The following SPAG16 variants were observed in gnomAD, a reference collection of about 807,000 sequenced individuals.
The protein encoded by SPAG16 is sperm associated antigen 16, also known as sperm-associated antigen 16 protein.
SPAG16 carries 86 observed loss-of-function variants against 80.4 expected under a neutral mutation model. That is an observed-to-expected ratio of 1.07 (90% CI 0.90 to 1.28). The LOEUF (loss-of-function observed/expected upper bound fraction) is 1.28, where lower values mean the gene tolerates loss of function less well. Among genes scored for constraint, SPAG16 ranks in the 50% most tolerant of loss-of-function variants. The probability of loss-of-function intolerance (pLI) is 0.00; values close to 1 mark genes in which losing one functional copy is unlikely to be tolerated. For missense variants in SPAG16, 870 were observed against 765.3 expected, an observed-to-expected ratio of 1.14 and a Z score of -1.61; for synonymous variants, 294 against 265.9, an observed-to-expected ratio of 1.11 and a Z score of -1.03.
At chr2:214,179,643 G>A (rs569867882) in intron 15 of SPAG16, among the ~76,000 whole-genome samples, 25 of 151,404 alleles carry the variant, frequency 1.7e-4, no homozygotes, top group African/African-American at 5.8e-4. Context: ...AAATGAATCC[G>A]ATAGACAGTG....
intron 15 of SPAG16, among the ~76,000 whole-genome samples, chr2:214,170,111 G>C (rs1328770040): frequency 6.6e-6 from 1 of 151,764 alleles, no homozygotes; most frequent in African/African-American, 2.4e-5. Context: ...GGTTCAGTTA[G>C]CAAAAATATC....
chr2:214,073,565 G>A (rs1559760371), intron 13 of SPAG16, among the ~76,000 whole-genome samples: 1 of 152,082 alleles, frequency 6.6e-6, no homozygotes, highest in Non-Finnish European at 1.5e-5. Context: ...ATATATGCAG[G>A]AATATTTCAT....
intron 15 of SPAG16, among the ~76,000 whole-genome samples, chr2:214,310,382 G>A (rs1695209585): frequency 6.6e-6 from 1 of 152,124 alleles, no homozygotes; most frequent in Admixed American, 6.6e-5. Context: ...GGGCATATGA[G>A]CCAATTCACT....
At chr2:213,806,993 G>A (rs1442937251) in intron 10 of SPAG16, among the ~76,000 whole-genome samples, 2 of 151,940 alleles carry the variant, frequency 1.3e-5, no homozygotes. Flanking sequence ...CATTTTTGTT[G>A]TGTTGTTTTG....
chr2:213,939,974 A>G lies in SPAG16; in HGVS notation c.1400+9829A>G, dbSNP rs115608598. ...TTTAATGTTGAAGATGTAGAGTGAC[A>G]TAGTTGTTTTTCATATTTCGTTTCA... On this transcript the variant is annotated intron_variant, in intron 12 of 15. Transcript: ENST00000331683. 4.8e-3 allele frequency among the ~76,000 whole-genome samples: 727 copies of G among 152,292 alleles called. 7 individuals carry two copies. The highest frequency in any genetic ancestry group is 0.017 in the African/African-American group (699 of 41,562).
At chr2:213,596,080 T>C (rs1457803987) in intron 10 of SPAG16, among the ~76,000 whole-genome samples, 1 of 152,076 alleles carries the variant, frequency 6.6e-6, no homozygotes. Context: ...TTGTTTTACT[T>C]CTCATTATGA....
chr2:213,433,265 C>A (rs867141885), intron 9 of SPAG16, among the ~76,000 whole-genome samples: 81 of 151,900 alleles, frequency 5.3e-4, no homozygotes, highest in Middle Eastern at 3.4e-3. Context: ...AACAATCAGA[C>A]GAGAAAGAAT....
chr2:214,150,495 T>C (rs961994341), intron 15 of SPAG16, among the ~76,000 whole-genome samples: 7 of 152,080 alleles, frequency 4.6e-5, no homozygotes, highest in African/African-American at 1.7e-4. Flanking sequence ...AAAAGCCTAT[T>C]AAAGGGTCAA....
chr2:213,805,847 G>A (rs1233017460), intron 10 of SPAG16, among the ~76,000 whole-genome samples: 2 of 152,076 alleles, frequency 1.3e-5, no homozygotes, highest in African/African-American at 2.4e-5. Flanking sequence ...TTTTCATATA[G>A]CAATGGTTGT....
intron 13 of SPAG16, among the ~76,000 whole-genome samples, chr2:214,049,587 A>G (rs559815186): frequency 1.3e-5 from 2 of 152,360 alleles, no homozygotes; most frequent in East Asian, 1.9e-4. Context: ...ATGTTTTTAA[A>G]TAAATGTTTT....
chr2:214,078,424 C>T (rs1006454767), intron 13 of SPAG16, among the ~76,000 whole-genome samples: 1 of 150,804 alleles, frequency 6.6e-6, no homozygotes, highest in Admixed American at 6.6e-5. Context: ...GGCATGGTGG[C>T]GCACTCCTAG....
At chr2:213,527,773 T>C (rs946039294) in intron 10 of SPAG16, among the ~76,000 whole-genome samples, 3 of 152,132 alleles carry the variant, frequency 2.0e-5, no homozygotes, top group Non-Finnish European at 2.9e-5. Context: ...GATCAGGAGA[T>C]ACATGAAATA....
intron 15 of SPAG16, among the ~76,000 whole-genome samples, chr2:214,338,919 A>C (rs1185409832): frequency 6.6e-6 from 1 of 152,184 alleles, no homozygotes; most frequent in African/African-American, 2.4e-5. Flanking sequence ...ATGTATTTTG[A>C]CACTTGATAG....
chr2:213,430,399 C>A (rs2070216679), intron 9 of SPAG16, among the ~76,000 whole-genome samples: 1 of 152,104 alleles, frequency 6.6e-6, no homozygotes, highest in African/African-American at 2.4e-5. Flanking sequence ...TGCATGCGGC[C>A]CAGGACAGCT....
chr2:213,653,184 G>T (rs533783077), intron 10 of SPAG16, among the ~76,000 whole-genome samples: 1 of 152,260 alleles, frequency 6.6e-6, no homozygotes, highest in East Asian at 1.9e-4. Context: ...TTAGCTTCAT[G>T]TGCAAACGAC....
At chr2:213,715,628 A>G (rs1281999843) in intron 10 of SPAG16, among the ~76,000 whole-genome samples, 1 of 152,190 alleles carries the variant, frequency 6.6e-6, no homozygotes, top group Admixed American at 6.5e-5. Context: ...AGAGATTAGC[A>G]CAATTGCTGA....
At chr2:213,942,334 T>C (rs188124621) in intron 12 of SPAG16, among the ~76,000 whole-genome samples, 29 of 152,330 alleles carry the variant, frequency 1.9e-4, no homozygotes, top group African/African-American at 6.0e-4. Context: ...CTTACTACAA[T>C]GTGAGATGAG....
At chr2:213,470,305 T>A (rs2073009016) in intron 9 of SPAG16, among the ~76,000 whole-genome samples, 1 of 152,130 alleles carries the variant, frequency 6.6e-6, no homozygotes, top group African/African-American at 2.4e-5. Context: ...CTGCCCCACT[T>A]TTTTAGCTGT....
chr2:213,459,190 C>A (rs1375678006), intron 9 of SPAG16, among the ~76,000 whole-genome samples: 1 of 152,166 alleles, frequency 6.6e-6, no homozygotes, highest in Non-Finnish European at 1.5e-5. Context: ...CTGAGTTCTT[C>A]ATTTTCTGCA....
Sources: gnomAD v4.1 joint callset for allele counts (sites outside exome capture counted in the v4.1 genomes callset) on GRCh38, gnomAD v4.1.1 for gene constraint, MANE v1.5 for transcripts, NCBI Gene and HGNC (gene_info 2026-07-23, HGNC 2026-07-21) for gene names.